ADAMTSL1: variants seen among roughly 807,000 people sequenced by gnomAD.
ADAMTSL1 encodes the protein ADAMTS like 1.
In ADAMTSL1, 126 loss-of-function variants were observed where a neutral mutation model predicts 201.8. That is an observed-to-expected ratio of 0.62 (90% CI 0.54 to 0.72). ADAMTSL1 has a LOEUF of 0.72. ADAMTSL1 is among the 30% of genes least tolerant of loss of function. The pLI is 0.00. For missense variants in ADAMTSL1, 2,679 were observed against 2,277.8 expected, an observed-to-expected ratio of 1.18 and a Z score of -3.59; for synonymous variants, 1,121 against 903.4, an observed-to-expected ratio of 1.24 and a Z score of -4.32.
At chr9:18,255,007 G>A (rs1831627154) in intron 2 of ADAMTSL1, among the ~76,000 whole-genome samples, 1 of 152,120 alleles carries the variant, frequency 6.6e-6, no homozygotes. Context: ...TTTAAAGTGT[G>A]ACCTTACTGG....
At chr9:18,474,105 T>G, upstream of ADAMTSL1, 23 of 591,138 alleles carry the variant, frequency 3.9e-5, no homozygotes, top group East Asian at 7.7e-5. Context: ...TCAGGAAATG[T>G]GAGAGGGGCT....
chr9:18,657,668 A>T lies in ADAMTSL1; in HGVS notation c.864A>T (p.Thr288=), dbSNP rs1258153632. 1.2e-6 allele frequency: 2 copies of T among 1,614,078 alleles called. No individual in the cohort carries two copies. Among genetic ancestry groups the T allele is most frequent in the East Asian group, 2.2e-5 (1 of 44,894 alleles). Residue 288 remains threonine (T), a synonymous_variant, in exon 8 of 29, where the codon ACA becomes ACT. Transcript: ENST00000380548. ...GTAACTCGGGCTCCGCTGACAGTAC[A>T]GTCCAGTTCATCTTCTATCAACCCA... ...KIRNSGSADS[T]VQFIFYQPII...
chr9:18,517,519 G>A (rs201022385), intron 2 of ADAMTSL1, among the ~76,000 whole-genome samples: 1 of 150,768 alleles, frequency 6.6e-6, no homozygotes, highest in South Asian at 2.1e-4. Context: ...CTGCACCCAC[G>A]AACTCGTCAT....
chr9:18,774,941 C>T (rs1820890929), intron 17 of ADAMTSL1, among the ~76,000 whole-genome samples: 1 of 152,150 alleles, frequency 6.6e-6, no homozygotes, highest in African/African-American at 2.4e-5. Context: ...TTACGTTTAA[C>T]TTTGTAAGAA....
At chr9:18,647,535 T>A (rs1297559720) in intron 7 of ADAMTSL1, among the ~76,000 whole-genome samples, 1 of 152,202 alleles carries the variant, frequency 6.6e-6, no homozygotes, top group Admixed American at 6.5e-5. Flanking sequence ...GTGCTATGAA[T>A]TTCCCTCTAC....
At chr9:18,890,279 G>C (rs997350215) in intron 25 of ADAMTSL1, among the ~76,000 whole-genome samples, 1 of 152,172 alleles carries the variant, frequency 6.6e-6, no homozygotes, top group African/African-American at 2.4e-5. Flanking sequence ...GTTTCTGACA[G>C]TAGCCTCATG....
chr9:18,784,026 A>C (rs937051591), intron 19 of ADAMTSL1, among the ~76,000 whole-genome samples: 6 of 152,188 alleles, frequency 3.9e-5, no homozygotes, highest in African/African-American at 1.4e-4. Flanking sequence ...ACATCCAGTT[A>C]TCTCTCCAGC....
intron 26 of ADAMTSL1, among the ~76,000 whole-genome samples, chr9:18,896,760 C>A (rs1829661239): frequency 6.6e-6 from 1 of 152,172 alleles, no homozygotes; most frequent in African/African-American, 2.4e-5. Flanking sequence ...CCAATGCAAC[C>A]AAGGCCTTGG....
rs763126212 is a variant in ADAMTSL1 at position 18,639,399 on chromosome 9, T to C, written c.822T>C (p.Asp274=). 15 of 1,612,480 alleles carry C rather than the reference T, an allele frequency of 9.3e-6. No homozygotes were observed. The South Asian group carries it at 1.4e-4, about 15-fold the overall frequency. The change falls in exon 7 of 29, where the codon GAT becomes GAC. Residue 274 remains aspartate, a synonymous_variant. Transcript: ENST00000380548. The part of the protein sequence containing the change: ...ILRMAGPLTA[D]FIVKIRNSGS... ...GAATGGCTGGACCACTCACAGCAGA[T>C]TTCATTGTCAAGGTGAGCCCTATTT...
At chr9:17,961,730 G>T (rs1205657041) in intron 1 of ADAMTSL1, among the ~76,000 whole-genome samples, 5 of 152,182 alleles carry the variant, frequency 3.3e-5, no homozygotes, top group Non-Finnish European at 5.9e-5. Context: ...GTGAAAATGA[G>T]CCCACTCTGG....
chr9:18,225,388 T>C (rs2132380936), intron 2 of ADAMTSL1, among the ~76,000 whole-genome samples: 1 of 152,328 alleles, frequency 6.6e-6, no homozygotes, highest in African/African-American at 2.4e-5. Context: ...ATCACTATAA[T>C]ATGCGAAAAT....
chr9:18,894,821 G>A (rs10963823), intron 26 of ADAMTSL1, among the ~76,000 whole-genome samples: 15,531 of 152,148 alleles, frequency 0.1, 868 homozygotes, highest in Middle Eastern at 0.21. Flanking sequence ...CAGAGAGAGG[G>A]AAAGGATCAG....
At chr9:18,644,781 C>A (rs980437499) in intron 7 of ADAMTSL1, among the ~76,000 whole-genome samples, 4 of 151,988 alleles carry the variant, frequency 2.6e-5, no homozygotes, top group Admixed American at 6.6e-5. Flanking sequence ...TTAATCCAGT[C>A]TATCATTGTT....
intron 1 of ADAMTSL1, among the ~76,000 whole-genome samples, chr9:18,161,168 AAGT>A (rs1390149384): frequency 6.6e-6 from 1 of 152,062 alleles, no homozygotes; most frequent in East Asian, 1.9e-4. Flanking sequence ...TTAAAAATTA[AAGT>A]ATAAATAGAC....
intron 1 of ADAMTSL1, among the ~76,000 whole-genome samples, chr9:17,963,825 C>T (rs1817858484): frequency 6.6e-6 from 1 of 152,044 alleles, no homozygotes; most frequent in African/African-American, 2.4e-5. Flanking sequence ...AGAATTCTAA[C>T]CCCATCTCCT....
chr9:18,633,698 G>A (rs1020887536), intron 5 of ADAMTSL1, among the ~76,000 whole-genome samples: 2 of 54,760 alleles, frequency 3.7e-5, no homozygotes, highest in Admixed American at 4.1e-4. Context: ...TTCTGTTGTT[G>A]TTCTTATATA....
At chr9:18,905,103 C>A (rs1410061277) in intron 26 of ADAMTSL1, among the ~76,000 whole-genome samples, 1 of 152,178 alleles carries the variant, frequency 6.6e-6, no homozygotes, top group Non-Finnish European at 1.5e-5. Flanking sequence ...GATGCGTATC[C>A]TCTTGTTTTA....
chr9:18,257,166 A>T (rs571687195), intron 2 of ADAMTSL1, among the ~76,000 whole-genome samples: 3 of 152,360 alleles, frequency 2.0e-5, no homozygotes, highest in South Asian at 4.1e-4. Context: ...AGGTATGGTG[A>T]TCATCACAAC....
chr9:18,385,400 T>G (rs1414545986), intron 2 of ADAMTSL1, among the ~76,000 whole-genome samples: 2 of 152,292 alleles, frequency 1.3e-5, no homozygotes, highest in Admixed American at 6.6e-5. Context: ...GTGTCTCCAC[T>G]GAAAACAATG....
Sources: allele counts gnomAD v4.1 joint callset (sites outside exome capture counted in the v4.1 genomes callset), GRCh38; gene constraint gnomAD v4.1.1; transcripts MANE v1.5; gene names NCBI Gene and HGNC (gene_info 2026-07-23, HGNC 2026-07-21).